RGL1: variants seen among roughly 807,000 people sequenced by gnomAD.
RGL1 encodes ral guanine nucleotide dissociation stimulator like 1, also known as ral guanine nucleotide dissociation stimulator-like 1.
In RGL1, 24 loss-of-function variants were observed where a neutral mutation model predicts 95.2. The observed-to-expected ratio is 0.25, with a 90% CI of 0.18 to 0.35. RGL1 has a LOEUF of 0.35. Among genes scored for constraint, RGL1 ranks in the 10% least tolerant of loss-of-function variants. The pLI is 1.00. For missense variants in RGL1, 715 were observed against 936.3 expected, an observed-to-expected ratio of 0.76 and a Z score of 3.08; for synonymous variants, 329 against 344.9, an observed-to-expected ratio of 0.95 and a Z score of 0.51.
intron 1 of RGL1, among the ~76,000 whole-genome samples, chr1:183,657,204 T>C (rs1572233152): frequency 6.6e-6 from 1 of 152,316 alleles, no homozygotes; most frequent in East Asian, 1.9e-4. Flanking sequence ...ATATGAGACA[T>C]CTTGAGACAT....
At chr1:183,745,135 A>C (rs568615766) in intron 2 of RGL1, among the ~76,000 whole-genome samples, 4 of 152,246 alleles carry the variant, frequency 2.6e-5, no homozygotes, top group East Asian at 3.9e-4. Context: ...GGCATTGAGC[A>C]TCTGTTCACA....
At chr1:183,799,849 T>A (rs1218635296) in intron 2 of RGL1, among the ~76,000 whole-genome samples, 2 of 152,160 alleles carry the variant, frequency 1.3e-5, no homozygotes, top group African/African-American at 4.8e-5. Flanking sequence ...AATACTCAGG[T>A]TACAAACCAA....
chr1:183,763,216 A>G (rs919812435), intron 2 of RGL1, among the ~76,000 whole-genome samples: 1 of 152,158 alleles, frequency 6.6e-6, no homozygotes, highest in African/African-American at 2.4e-5. Context: ...AGGGAGGGGA[A>G]CATCACACAC....
rs577612970 is a variant in RGL1, at chr1:183,742,767, G to A, written c.132+478G>A. On this transcript the variant is annotated intron_variant, in intron 2 of 18. Coordinates refer to the RGL1 transcript ENST00000304685. The stretch of plus-strand genomic sequence containing the variant: ...GAGGGGACGGGGAGAGAGAGAGAGA[G>A]AGATGCTATTATTCTTTCAATGGAA... Among the ~76,000 whole-genome samples the A allele has an allele frequency of 2.6e-5, 4 of 152,216 alleles. No individual in the cohort carries two copies. In the South Asian group the frequency reaches 8.3e-4, roughly 32 times the overall value.
intron 15 of RGL1, among the ~76,000 whole-genome samples, chr1:183,914,541 C>T (rs960712608): frequency 1.3e-5 from 2 of 152,214 alleles, no homozygotes; most frequent in African/African-American, 4.8e-5. Context: ...GAGCCTGTGA[C>T]AGCCGCCTTC....
intron 3 of RGL1, among the ~76,000 whole-genome samples, chr1:183,852,416 T>C (rs968311826): frequency 6.6e-6 from 1 of 152,204 alleles, no homozygotes; most frequent in Admixed American, 6.5e-5. Context: ...AGAGTCCACA[T>C]TGGCCTACTT....
intron 4 of RGL1, among the ~76,000 whole-genome samples, chr1:183,877,937 C>G (rs534648428): frequency 6.6e-6 from 1 of 152,158 alleles, no homozygotes; most frequent in African/African-American, 2.4e-5. Flanking sequence ...GTGTGCCCAT[C>G]AGAAATACCC....
intron 3 of RGL1, among the ~76,000 whole-genome samples, chr1:183,859,094 A>G (rs1479364032): frequency 6.6e-6 from 1 of 152,138 alleles, no homozygotes; most frequent in Non-Finnish European, 1.5e-5. Flanking sequence ...CCCATCTACC[A>G]GTTTCTTCTG....
chr1:183,898,433 A>C (rs766883278), intron 10 of RGL1, among the ~76,000 whole-genome samples: 7 of 152,242 alleles, frequency 4.6e-5, no homozygotes, highest in Non-Finnish European at 1.0e-4. Context: ...TTAAAGGAGC[A>C]TCATGCCTCC....
intron 2 of RGL1, among the ~76,000 whole-genome samples, chr1:183,763,352 C>T (rs899481781): frequency 1.3e-5 from 2 of 152,056 alleles, no homozygotes; most frequent in Admixed American, 1.3e-4. Context: ...CAAACCTGCA[C>T]GTTCTGCACA....
chr1:183,684,292 C>T (rs112457022), intron 1 of RGL1, among the ~76,000 whole-genome samples: 11 of 152,308 alleles, frequency 7.2e-5, no homozygotes, highest in African/African-American at 2.4e-4. Flanking sequence ...GGTTTTTCCT[C>T]ATCTTCATGG....
At position 183,905,150 on chromosome 1, in the gene RGL1, A is replaced by T. The variant is rs181939892; in HGVS notation, c.1472+179A>T. ...GAAAGGCTGAGTTGATAGCATCAAGATGTACTTTCAGACTCTTGCTTGGCC... is the reference window on the plus strand; with the variant it reads ...GAAAGGCTGAGTTGATAGCATCAAGTTGTACTTTCAGACTCTTGCTTGGCC... On this transcript the variant is annotated intron_variant, in intron 13 of 17. Transcript: ENST00000360851. Among the ~76,000 whole-genome samples, 328 of 152,322 alleles carry T rather than the reference A, an allele frequency of 2.2e-3. 2 individuals carry two copies. Among genetic ancestry groups the T allele is most frequent in the African/African-American group, 7.5e-3 (313 of 41,568 alleles).
chr1:183,794,567 G>C (rs912351349), intron 2 of RGL1, among the ~76,000 whole-genome samples: 50 of 152,032 alleles, frequency 3.3e-4, no homozygotes, highest in African/African-American at 1.2e-3. Context: ...CAATAAAAAA[G>C]TCCTCTTGTT....
chr1:183,654,106 C>T (rs1217991913), intron 1 of RGL1, among the ~76,000 whole-genome samples: 5 of 152,196 alleles, frequency 3.3e-5, no homozygotes, highest in Non-Finnish European at 5.9e-5. Flanking sequence ...TCTGTCTTCT[C>T]GAAGCTTCGC....
chr1:183,794,173 G>T (rs1660580293), intron 2 of RGL1, among the ~76,000 whole-genome samples: 1 of 152,072 alleles, frequency 6.6e-6, no homozygotes, highest in African/African-American at 2.4e-5. Context: ...TATGTTAAGT[G>T]AAATGAGCCA....
chr1:183,896,494 T>C (rs1393074630), intron 9 of RGL1, among the ~76,000 whole-genome samples: 1 of 152,188 alleles, frequency 6.6e-6, no homozygotes, highest in Non-Finnish European at 1.5e-5. Flanking sequence ...ACCTGGGACC[T>C]GAGTTAAGGC....
At chr1:183,769,335 C>T (rs1400040090) in intron 2 of RGL1, among the ~76,000 whole-genome samples, 1 of 152,208 alleles carries the variant, frequency 6.6e-6, no homozygotes, top group Non-Finnish European at 1.5e-5. Context: ...ATCTTCTGTG[C>T]CAAACCCTGA....
chr1:183,846,908 C>T (rs1023257045), intron 2 of RGL1, among the ~76,000 whole-genome samples: 2 of 151,958 alleles, frequency 1.3e-5, no homozygotes, highest in African/African-American at 2.4e-5. Flanking sequence ...GAAAACTTTC[C>T]ATGGAACAAA....
intron 2 of RGL1, among the ~76,000 whole-genome samples, chr1:183,796,868 T>C (rs1166100504): frequency 6.6e-6 from 1 of 152,242 alleles, no homozygotes; most frequent in African/African-American, 2.4e-5. Context: ...GATGGTTGTA[T>C]GTTTTGATCT....
Sources: gnomAD v4.1 joint callset for allele counts (sites outside exome capture counted in the v4.1 genomes callset) on GRCh38, gnomAD v4.1.1 for gene constraint, MANE v1.5 for transcripts, NCBI Gene and HGNC (gene_info 2026-07-23, HGNC 2026-07-21) for gene names.